PHF24: variants seen among roughly 807,000 people sequenced by gnomAD.
The protein encoded by PHF24 is Galpha inhibitory interacting protein.
PHF24 carries 25 observed loss-of-function variants against 42.6 expected under a neutral mutation model. That is an observed-to-expected ratio of 0.59 (90% CI 0.43 to 0.82). PHF24 has a LOEUF of 0.82. Among genes scored for constraint, PHF24 ranks in the 40% least tolerant of loss-of-function variants. PHF24 has a pLI of 0.00. For synonymous variants in PHF24, 185 were observed against 204.8 expected (o/e 0.90, Z 0.83); for missense variants, 470 against 538.1 (o/e 0.87, Z 1.25).
At chr9:34,982,015 A>T (rs1157235452) in exon 8 of PHF24, 1 of 152,134 alleles carries the variant, frequency 6.6e-6, no homozygotes, top group African/African-American at 2.4e-5. Context: ...CAGGTTACAG[A>T]ATTTCGGCTA....
At chr9:34,839,471 C>T in the PHF24 span, among the ~76,000 whole-genome samples, 3 of 152,242 alleles carry the variant, frequency 2.0e-5, no homozygotes, top group African/African-American at 2.4e-5. Flanking sequence ...TTAATTTATA[C>T]ATTTATGTTA....
chr9:34,724,183 G>T, the PHF24 span: 121 of 1,551,436 alleles, frequency 7.8e-5, no homozygotes, highest in Non-Finnish European at 1.0e-4. Context: ...CCTCCAGGCT[G>T]GGTTTGTTCA....
the PHF24 span, chr9:34,724,266 C>T: frequency 6.4e-7 from 1 of 1,551,474 alleles, no homozygotes; most frequent in Admixed American, 2.0e-5. Flanking sequence ...ATCTTGGAGA[C>T]CGAGTGGGCA....
chr9:34,750,233 T>C, the PHF24 span, among the ~76,000 whole-genome samples: 3 of 151,904 alleles, frequency 2.0e-5, no homozygotes, highest in Admixed American at 1.3e-4. Context: ...CAATAAGAAA[T>C]AGAAACAACA....
At chr9:34,909,073 C>G in the PHF24 span, among the ~76,000 whole-genome samples, 1 of 151,966 alleles carries the variant, frequency 6.6e-6, no homozygotes, top group Admixed American at 6.6e-5. Context: ...TGGTCTCAAA[C>G]TCCTGACCTT....
the PHF24 span, among the ~76,000 whole-genome samples, chr9:34,745,642 T>C: frequency 6.7e-6 from 1 of 149,548 alleles, no homozygotes; most frequent in South Asian, 2.2e-4. Context: ...TTATGGGGGG[T>C]AAAGTTGTGG....
chr9:34,677,027 A>G, the PHF24 span, among the ~76,000 whole-genome samples: 6 of 152,294 alleles, frequency 3.9e-5, no homozygotes, highest in South Asian at 6.2e-4. Context: ...TTTCCAAACT[A>G]TATCAGATAC....
chr9:34,827,373 C>A, the PHF24 span, among the ~76,000 whole-genome samples: 2 of 152,316 alleles, frequency 1.3e-5, no homozygotes, highest in East Asian at 1.9e-4. Context: ...CAGGCCTGAA[C>A]CTTGTGCTTC....
At chr9:34,809,045 AAAAATAATAAAT>A in the PHF24 span, among the ~76,000 whole-genome samples, 2 of 143,264 alleles carry the variant, frequency 1.4e-5, no homozygotes, top group Non-Finnish European at 3.0e-5. This position sits in a 1 kb window ranked among gnomAD's most constrained non-coding sequence, Gnocchi z 4.1. Flanking sequence ...AATAAAAAAA[AAAAATAATAAAT>A]AAATAAATAA....
rs1827183598 is a variant in PHF24, at chr9:34,976,338, G to T, written c.643+108G>T. 12 of 1,061,908 alleles carry T rather than the reference G, an allele frequency of 1.1e-5. No individual in the cohort carries two copies. The South Asian group carries it at 1.6e-4, about 14-fold the overall frequency. The allele number at this position is 1,061,908 out of a possible 1,614,324, so 65.8% of individuals were successfully genotyped here. Reference sequence around the variant, plus strand: ...GTGTTCCATATTTAGTGGGTAGAGGGTAAATGAGTCCTTGTTCCTGAGTTG... The same window carrying T: ...GTGTTCCATATTTAGTGGGTAGAGGTTAAATGAGTCCTTGTTCCTGAGTTG... On this transcript the variant is annotated intron_variant, in intron 4 of 7. Transcript: ENST00000242315.
chr9:34,698,350 C>T, the PHF24 span, among the ~76,000 whole-genome samples: 1 of 152,114 alleles, frequency 6.6e-6, no homozygotes, highest in Non-Finnish European at 1.5e-5. Context: ...GAAAAATAGT[C>T]ATCTAGGGCA....
chr9:34,961,122 C>T (rs1826575381), intron 1 of PHF24, among the ~76,000 whole-genome samples: 3 of 152,236 alleles, frequency 2.0e-5, no homozygotes, highest in South Asian at 2.1e-4. Flanking sequence ...TTTTCCACTA[C>T]ACCTGTTCCT....
At chr9:34,768,031 A>G in the PHF24 span, among the ~76,000 whole-genome samples, 1 of 152,172 alleles carries the variant, frequency 6.6e-6, no homozygotes, top group Non-Finnish European at 1.5e-5. Context: ...ACATTGGTCC[A>G]CCAGAATTCT....
At chr9:34,745,319 C>CA in the PHF24 span, among the ~76,000 whole-genome samples, 1 of 152,172 alleles carries the variant, frequency 6.6e-6, no homozygotes, top group African/African-American at 2.4e-5. Context: ...AGAGGACCAA[C>CA]AGAGTGGGCT....
the PHF24 span, among the ~76,000 whole-genome samples, chr9:34,927,092 G>A: frequency 6.6e-6 from 1 of 152,198 alleles, no homozygotes; most frequent in East Asian, 1.9e-4. Flanking sequence ...AGGAGGCTCA[G>A]GGGCCTCTCT....
At chr9:34,710,413 A>T in the PHF24 span, among the ~76,000 whole-genome samples, 2 of 150,624 alleles carry the variant, frequency 1.3e-5, no homozygotes, top group East Asian at 3.9e-4. Context: ...ACGCTCCAGG[A>T]TCCATACCCT....
the PHF24 span, chr9:34,832,718 C>T: frequency 9.7e-6 from 15 of 1,541,190 alleles, no homozygotes; most frequent in South Asian, 1.2e-5. Flanking sequence ...GGGCTGGCAT[C>T]ACCAGCCCAT....
At chr9:34,895,113 G>C in the PHF24 span, 1 of 398,508 alleles carries the variant, frequency 2.5e-6, no homozygotes, top group Non-Finnish European at 4.4e-6. Flanking sequence ...AGAATGCAAA[G>C]CTGCTACACC....
chr9:34,683,300 A>T, the PHF24 span, among the ~76,000 whole-genome samples: 74,069 of 152,192 alleles, frequency 0.49, 18,789 homozygotes, highest in East Asian at 0.8. Flanking sequence ...ACCTCAGGTG[A>T]TCCACCCGCC....
Sources: allele counts gnomAD v4.1 joint callset (sites outside exome capture counted in the v4.1 genomes callset), GRCh38; gene constraint gnomAD v4.1.1; non-coding constraint Gnocchi (gnomAD v3.1); transcripts MANE v1.5; gene names NCBI Gene and HGNC (gene_info 2026-07-23, HGNC 2026-07-21).